The following MACROD2 variants were observed in gnomAD, a reference collection of about 807,000 sequenced individuals.
The protein encoded by MACROD2 is mono-ADP ribosylhydrolase 2, also known as ADP-ribose glycohydrolase MACROD2.
A neutral mutation model predicts 70.4 loss-of-function variants in MACROD2; 36 were observed. The observed-to-expected ratio is 0.51, with a 90% CI of 0.39 to 0.68. The LOEUF (loss-of-function observed/expected upper bound fraction) is 0.68, where lower values mean the gene tolerates loss of function less well. Among genes scored for constraint, MACROD2 ranks in the 30% least tolerant of loss-of-function variants. MACROD2 has a pLI of 0.00. For missense variants in MACROD2, 496 were observed against 538.4 expected (o/e 0.92, Z 0.78); for synonymous variants, 172 against 178.8 (o/e 0.96, Z 0.30).
intron 8 of MACROD2, among the ~76,000 whole-genome samples, chr20:15,630,078 C>A (rs890098443): frequency 6.6e-6 from 1 of 152,116 alleles, no homozygotes; most frequent in Non-Finnish European, 1.5e-5. Flanking sequence ...ATAGTGCTTC[C>A]GGTCCTGCTT....
intron 5 of MACROD2, chr20:14,905,020 G>A (rs1287821741): frequency 2.0e-5 from 3 of 152,122 alleles, no homozygotes; most frequent in Admixed American, 6.5e-5. Context: ...TACAAGCTCT[G>A]AGTGATGGTG....
At chr20:15,397,894 A>G (rs1035893827) in intron 6 of MACROD2, among the ~76,000 whole-genome samples, 1 of 152,208 alleles carries the variant, frequency 6.6e-6, no homozygotes, top group African/African-American at 2.4e-5. Context: ...GAGAGATATT[A>G]TATAAACAAT....
chr20:14,695,434 C>A (rs1362053240), intron 5 of MACROD2, among the ~76,000 whole-genome samples: 1 of 152,174 alleles, frequency 6.6e-6, no homozygotes, highest in Non-Finnish European at 1.5e-5. Flanking sequence ...AACTTAATTG[C>A]ATTTACGTAG....
intron 8 of MACROD2, among the ~76,000 whole-genome samples, chr20:15,556,498 C>G (rs1191328149): frequency 6.6e-6 from 1 of 151,996 alleles, no homozygotes; most frequent in Non-Finnish European, 1.5e-5. Flanking sequence ...ATACTACTTT[C>G]TAAAATAGTT....
chr20:14,894,564 A>G (rs1288063089), intron 5 of MACROD2: 3 of 152,156 alleles, frequency 2.0e-5, no homozygotes, highest in African/African-American at 2.4e-5. Context: ...TGCTCATGTA[A>G]TAGCCAAATA....
intron 10 of MACROD2, among the ~76,000 whole-genome samples, chr20:15,889,894 G>A (rs1386614329): frequency 2.0e-5 from 3 of 152,104 alleles, no homozygotes; most frequent in Admixed American, 2.0e-4. Context: ...ATGATACATT[G>A]TCAAGGAGAA....
intron 5 of MACROD2, among the ~76,000 whole-genome samples, chr20:14,807,524 T>C (rs1024983137): frequency 4.6e-5 from 7 of 152,030 alleles, no homozygotes; most frequent in Admixed American, 2.6e-4. Context: ...AAAACCACAA[T>C]GCCTCTTCTC....
chr20:15,161,462 A>C (rs464320), intron 5 of MACROD2, among the ~76,000 whole-genome samples: 78,008 of 151,352 alleles, frequency 0.52, 20,200 homozygotes, highest in East Asian at 0.56. Flanking sequence ...ACTCTAGTTA[A>C]AATCTTCGTG....
At chr20:14,808,164 A>G (rs1471328289) in intron 5 of MACROD2, among the ~76,000 whole-genome samples, 1 of 152,144 alleles carries the variant, frequency 6.6e-6, no homozygotes, top group Non-Finnish European at 1.5e-5. Context: ...GAAGGAAAAA[A>G]TGTTAAGGGC....
intron 5 of MACROD2, among the ~76,000 whole-genome samples, chr20:15,081,735 C>A (rs1424606638): frequency 1.3e-5 from 2 of 152,100 alleles, no homozygotes; most frequent in Non-Finnish European, 2.9e-5. Context: ...CTACATGGAC[C>A]TTCCTGCTAT....
intron 15 of MACROD2, among the ~76,000 whole-genome samples, chr20:15,994,431 C>G (rs538091286): frequency 1.3e-5 from 2 of 152,050 alleles, no homozygotes; most frequent in South Asian, 4.1e-4. Context: ...AGATGTAGAA[C>G]GTTTTCATAT....
intron 6 of MACROD2, among the ~76,000 whole-genome samples, chr20:15,303,782 G>C (rs970888454): frequency 6.6e-6 from 1 of 152,002 alleles, no homozygotes; most frequent in Non-Finnish European, 1.5e-5. Flanking sequence ...AGTCTCTTTA[G>C]TTTCTACCAA....
At chr20:15,460,989 TA>T (rs1568825009) in intron 7 of MACROD2, among the ~76,000 whole-genome samples, 11 of 79,592 alleles carry the variant, frequency 1.4e-4, no homozygotes, top group Admixed American at 4.7e-4. Context: ...TATATATATA[TA>T]TATATATATA....
chr20:15,702,315 A>G (rs1600780588), intron 8 of MACROD2, among the ~76,000 whole-genome samples: 1 of 152,168 alleles, frequency 6.6e-6, no homozygotes, highest in East Asian at 1.9e-4. Flanking sequence ...CTCTGCAACC[A>G]TGCCAGCACT....
chr20:15,200,452 T>G (rs191835683), intron 5 of MACROD2, among the ~76,000 whole-genome samples: 210 of 152,346 alleles, frequency 1.4e-3, no homozygotes, highest in African/African-American at 4.8e-3. Flanking sequence ...TTTAAAAGAC[T>G]CATTTACCAG....
At chr20:14,059,944 A>G (rs1462682243) in intron 2 of MACROD2, among the ~76,000 whole-genome samples, 2 of 152,188 alleles carry the variant, frequency 1.3e-5, no homozygotes, top group African/African-American at 2.4e-5. Flanking sequence ...AGACATGTGT[A>G]AATCTAGGGA....
At chr20:15,078,190 T>C (rs1273984072) in intron 5 of MACROD2, among the ~76,000 whole-genome samples, 1 of 151,450 alleles carries the variant, frequency 6.6e-6, no homozygotes, top group Non-Finnish European at 1.5e-5. Flanking sequence ...GGACTTGGAG[T>C]TTGCCAGCTG....
intron 2 of MACROD2, among the ~76,000 whole-genome samples, chr20:14,032,418 A>C (rs550172267): frequency 2.0e-5 from 3 of 152,286 alleles, no homozygotes; most frequent in African/African-American, 7.2e-5. Flanking sequence ...TACCCACATC[A>C]GTTTTATATG....
intron 3 of MACROD2, among the ~76,000 whole-genome samples, chr20:14,331,273 A>G (rs1417329739): frequency 6.6e-6 from 1 of 152,114 alleles, no homozygotes; most frequent in Non-Finnish European, 1.5e-5. Context: ...GGCTCTAACA[A>G]TATGTATTGA....
Sources: allele counts gnomAD v4.1 joint callset (sites outside exome capture counted in the v4.1 genomes callset), GRCh38; gene constraint gnomAD v4.1.1; transcripts MANE v1.5; gene names NCBI Gene and HGNC (gene_info 2026-07-23, HGNC 2026-07-21).